The following PTK2B variants were observed in gnomAD, a reference collection of about 807,000 sequenced individuals.
The protein encoded by PTK2B is protein-tyrosine kinase 2-beta.
PTK2B carries 71 observed loss-of-function variants against 142.9 expected under a neutral mutation model. That is an observed-to-expected ratio of 0.50 (90% CI 0.41 to 0.61). The LOEUF (loss-of-function observed/expected upper bound fraction) is 0.61, where lower values mean the gene tolerates loss of function less well. Among genes scored for constraint, PTK2B ranks in the 20% least tolerant of loss-of-function variants. The pLI, the probability that PTK2B is intolerant of heterozygous loss-of-function variation, is 0.00. For synonymous variants in PTK2B, 519 were observed against 503.4 expected (o/e 1.03, Z -0.42); for missense variants, 1,105 against 1,320.4 (o/e 0.84, Z 2.53).
At chr8:27,451,425 A>G in intron 26 of PTK2B, 60 bp from the exon 27 acceptor site, 1 of 1,608,368 alleles carries the variant, frequency 6.2e-7, no homozygotes, top group Non-Finnish European at 8.5e-7. Flanking sequence ...GTAACCAGGG[A>G]GGGGGTTGTC....
At chr8:27,447,281 A>G (rs1033387644) in intron 24 of PTK2B, among the ~76,000 whole-genome samples, 42 of 152,264 alleles carry the variant, frequency 2.8e-4, no homozygotes, top group African/African-American at 9.9e-4. Flanking sequence ...ATGTCTTTAA[A>G]TAAACAAACC....
chr8:27,445,920 G>A lies in PTK2B; in HGVS notation c.2340+1G>A. 6.2e-7 allele frequency: 1 copy of A among 1,613,330 alleles called. No individual in the cohort carries two copies. Among genetic ancestry groups the A allele is most frequent in the Non-Finnish European group, 8.5e-7 (1 of 1,180,026 alleles). On this transcript the variant is annotated splice_donor_variant, in intron 24 of 30. Coordinates refer to ENST00000346049, the MANE Select transcript of PTK2B (RefSeq NM_173176.3). LOFTEE classifies it high-confidence loss of function. Reference sequence around the variant, plus strand: ...TGTCTTCAAACGCCACAGCATGCGGGTAAGAGGGCTCTGCATGCTGGTCCC... The same window carrying A: ...TGTCTTCAAACGCCACAGCATGCGGATAAGAGGGCTCTGCATGCTGGTCCC...
At chr8:27,367,165 C>T (rs571621190) in intron 1 of PTK2B, among the ~76,000 whole-genome samples, 6 of 152,312 alleles carry the variant, frequency 3.9e-5, no homozygotes, top group African/African-American at 1.2e-4. Flanking sequence ...TAAACACACA[C>T]GCACACATGC....
intron 1 of PTK2B, among the ~76,000 whole-genome samples, chr8:27,391,964 G>T (rs1807752594): frequency 1.3e-5 from 2 of 152,190 alleles, no homozygotes; most frequent in Admixed American, 1.3e-4. Context: ...CTCTGACTCT[G>T]CTCCGACGGT....
rs114726251 is a variant in PTK2B, at chr8:27,417,954, G to A, written c.205-1941G>A. Among the ~76,000 whole-genome samples, 1,396 of 152,258 alleles carry A rather than the reference G, an allele frequency of 9.2e-3. 26 individuals carry two copies. The highest frequency in any genetic ancestry group is 0.032 in the African/African-American group (1,343 of 41,536). Reference sequence around the variant, plus strand: ...TGGACAGAGCAGGGCAGAAGGTCAGGGACAGGAGAAATGGGTAGAGAGGAT... The same window carrying A: ...TGGACAGAGCAGGGCAGAAGGTCAGAGACAGGAGAAATGGGTAGAGAGGAT... On this transcript the variant is annotated intron_variant, in intron 2 of 30. Transcript: ENST00000346049.
chr8:27,386,252 A>G (rs896167739), intron 1 of PTK2B, among the ~76,000 whole-genome samples: 1 of 152,192 alleles, frequency 6.6e-6, no homozygotes, highest in Non-Finnish European at 1.5e-5. Flanking sequence ...TACTATAAAT[A>G]GTACAGCTAG....
At chr8:27,320,472 G>A (rs1803187277) in intron 3 of PTK2B, among the ~76,000 whole-genome samples, 1 of 152,116 alleles carries the variant, frequency 6.6e-6, no homozygotes, top group Non-Finnish European at 1.5e-5. Context: ...GCAAGTCCCG[G>A]GTTGTGGCCT....
upstream of PTK2B, among the ~76,000 whole-genome samples, chr8:27,321,668 A>G (rs73681521): frequency 0.045 from 6,789 of 152,226 alleles, 489 homozygotes; most frequent in African/African-American, 0.15. Flanking sequence ...TGCGTGCATA[A>G]CTTCTACTCT....
At chr8:27,377,630 A>G (rs1340491445) in intron 1 of PTK2B, among the ~76,000 whole-genome samples, 1 of 152,136 alleles carries the variant, frequency 6.6e-6, no homozygotes, top group Non-Finnish European at 1.5e-5. Context: ...GGCCAGGGCC[A>G]CCTCCGGAGG....
chr8:27,317,895 C>T (rs1370349775), intron 3 of PTK2B, among the ~76,000 whole-genome samples: 1 of 152,182 alleles, frequency 6.6e-6, no homozygotes, highest in Non-Finnish European at 1.5e-5. Context: ...CAACTGGACA[C>T]AACACAAAGC....
intron 1 of PTK2B, among the ~76,000 whole-genome samples, chr8:27,379,298 A>G (rs1214578846): frequency 2.6e-5 from 4 of 152,198 alleles, no homozygotes; most frequent in Admixed American, 6.5e-5. Context: ...CTGGAGTGCA[A>G]TGGCACAGTC....
chr8:27,439,372 C>T lies in PTK2B; in HGVS notation c.1808C>T (p.Thr603Met), dbSNP rs768354498. ...SPESINFRRF[T>M]TASDVWMFAV... is the part of the protein sequence containing the mutation. ...GAGTCCATTAACTTCCGACGCTTCA[C>T]GACAGCCAGTGACGTCTGGATGTTC... The change falls in exon 20 of 31, where the codon ACG becomes ATG. Residue 603 changes from threonine to methionine, a missense_variant. Transcript: ENST00000346049. 2.9e-5 allele frequency: 46 copies of T among 1,613,836 alleles called. No homozygotes were observed. The highest frequency in any genetic ancestry group is 4.5e-5 in the East Asian group (2 of 44,896).
intron 1 of PTK2B, among the ~76,000 whole-genome samples, chr8:27,390,256 C>A (rs1260605248): frequency 1.3e-5 from 2 of 152,152 alleles, no homozygotes; most frequent in Non-Finnish European, 2.9e-5. Context: ...AAAAGGCAGC[C>A]TCAGTGCACG....
At chr8:27,368,949 C>T (rs1806180417) in intron 1 of PTK2B, among the ~76,000 whole-genome samples, 1 of 152,148 alleles carries the variant, frequency 6.6e-6, no homozygotes, top group Admixed American at 6.5e-5. Context: ...GAGTGTCTCC[C>T]CTCTCAGGAC....
chr8:27,344,201 C>T (rs1438508311), intron 1 of PTK2B, among the ~76,000 whole-genome samples: 1 of 152,100 alleles, frequency 6.6e-6, no homozygotes, highest in Non-Finnish European at 1.5e-5. Flanking sequence ...GACCTCCCCT[C>T]CCCAGCATGA....
chr8:27,438,215 G>T (rs1021038210), intron 18 of PTK2B, among the ~76,000 whole-genome samples: 1 of 152,200 alleles, frequency 6.6e-6, no homozygotes, highest in African/African-American at 2.4e-5. Flanking sequence ...TCCCTGGCTT[G>T]GTGGCACATG....
At chr8:27,381,957 T>C (rs1304082298) in intron 1 of PTK2B, among the ~76,000 whole-genome samples, 1 of 152,258 alleles carries the variant, frequency 6.6e-6, no homozygotes, top group East Asian at 1.9e-4. Context: ...CTATGTCTTC[T>C]TTGTTTTTCT....
At chr8:27,408,190 GA>G (rs34636003) in intron 2 of PTK2B, among the ~76,000 whole-genome samples, 34,352 of 152,094 alleles carry the variant, frequency 0.23, 4,039 homozygotes, top group Middle Eastern at 0.36. Context: ...GTGGGTCATA[GA>G]AACCAGAACC....
At position 27,386,791 on chromosome 8, in the gene PTK2B, TGTTG is replaced by T. The variant is rs538243866; in HGVS notation, c.-37-10753_-37-10750del. On this transcript the variant is annotated intron_variant, in intron 1 of 30. Coordinates refer to ENST00000346049, the MANE Select transcript of PTK2B (RefSeq NM_173176.3). The stretch of plus-strand genomic sequence containing the variant: ...TGAAGCTTGTTCAAGACAATGGTTT[TGTTG>T]GTTTTAAGGTGTTGAGAGATGGTGG... Among the ~76,000 whole-genome samples the T allele has an allele frequency of 4.6e-5, 7 of 152,108 alleles. No individual in the cohort carries two copies. In the South Asian group the frequency reaches 1.0e-3, roughly 23 times the overall value.
Sources: allele counts gnomAD v4.1 joint callset (sites outside exome capture counted in the v4.1 genomes callset), GRCh38; gene constraint gnomAD v4.1.1; transcripts MANE v1.5; gene names NCBI Gene and HGNC (gene_info 2026-07-23, HGNC 2026-07-21).